The following KIFAP3 variants were observed in gnomAD, a reference collection of about 807,000 sequenced individuals.
The protein encoded by KIFAP3 is kinesin associated protein 3.
A neutral mutation model predicts 106.5 loss-of-function variants in KIFAP3; 68 were observed. The ratio of observed to expected loss-of-function variants is 0.64; its 90% CI spans 0.53 to 0.78. The LOEUF is 0.78. Ranked by LOEUF, KIFAP3 falls within the 30% of genes least tolerant of loss-of-function variation. The probability of loss-of-function intolerance (pLI) is 0.00; values close to 1 mark genes in which losing one functional copy is unlikely to be tolerated. For missense variants in KIFAP3, 780 were observed against 941.8 expected (o/e 0.83, Z 2.25); for synonymous variants, 320 against 311.5 (o/e 1.03, Z -0.29).
intron 19 of KIFAP3, among the ~76,000 whole-genome samples, chr1:169,948,275 G>A (rs994574038): frequency 3.3e-5 from 5 of 151,768 alleles, no homozygotes; most frequent in Admixed American, 2.6e-4. Context: ...CAATTGATAG[G>A]TGAAAATGTT....
At chr1:169,926,639 T>C (rs1663149727) in intron 19 of KIFAP3, among the ~76,000 whole-genome samples, 1 of 150,838 alleles carries the variant, frequency 6.6e-6, no homozygotes, top group Admixed American at 6.6e-5. Flanking sequence ...TATAGTTACA[T>C]GTAACATTAA....
chr1:169,954,317 C>G (rs1035752909), intron 18 of KIFAP3, among the ~76,000 whole-genome samples: 1 of 152,100 alleles, frequency 6.6e-6, no homozygotes, highest in Non-Finnish European at 1.5e-5. Context: ...ACTGAACATT[C>G]ATTGAGCATC....
At chr1:170,048,703 T>C (rs1571730508) in intron 2 of KIFAP3, among the ~76,000 whole-genome samples, 1 of 150,910 alleles carries the variant, frequency 6.6e-6, no homozygotes, top group Admixed American at 6.6e-5. Context: ...AGAAGCGGGG[T>C]GGCGGGGGCG....
At chr1:169,957,491 C>T (rs1032394662) in intron 18 of KIFAP3, among the ~76,000 whole-genome samples, 8 of 152,020 alleles carry the variant, frequency 5.3e-5, no homozygotes, top group African/African-American at 1.7e-4. Context: ...AATTTATCAA[C>T]CTTCTGATTT....
intron 2 of KIFAP3, among the ~76,000 whole-genome samples, chr1:170,052,166 C>T (rs1670610267): frequency 6.6e-6 from 1 of 152,036 alleles, no homozygotes; most frequent in African/African-American, 2.4e-5. Context: ...CACCACTGAT[C>T]CCACAGAAAT....
At chr1:170,021,512 T>A (rs541670270) in intron 9 of KIFAP3, among the ~76,000 whole-genome samples, 2 of 147,352 alleles carry the variant, frequency 1.4e-5, no homozygotes, top group African/African-American at 5.0e-5. Flanking sequence ...TGATCTCCGC[T>A]CAATGCAACC....
At chr1:169,926,891 T>C (rs1033847735) in intron 19 of KIFAP3, among the ~76,000 whole-genome samples, 1 of 152,176 alleles carries the variant, frequency 6.6e-6, no homozygotes, top group Non-Finnish European at 1.5e-5. Flanking sequence ...TGGAATTCTT[T>C]TGGAATTGTC....
At chr1:169,992,106 AATAT>A (rs1558226295) in intron 11 of KIFAP3, 45 bp downstream of exon 11, 1 of 890,782 alleles carries the variant, frequency 1.1e-6, no homozygotes. Context: ...AAGAGTAAAA[AATAT>A]ATATATTTGT....
intron 10 of KIFAP3, among the ~76,000 whole-genome samples, chr1:170,001,996 T>C (rs1162815267): frequency 9.9e-5 from 15 of 152,164 alleles, no homozygotes; most frequent in Non-Finnish European, 1.0e-4. Context: ...GTTCAGAAGT[T>C]AACTTTGTCA....
chr1:169,961,369 G>A (rs1665322642), intron 17 of KIFAP3, 134 bp from the exon 18 acceptor site: 1 of 595,702 alleles, frequency 1.7e-6, no homozygotes, highest in East Asian at 2.8e-5. Context: ...ACCTGTTCAG[G>A]ATTATTTTAT....
At chr1:170,063,403 C>A (rs964953511) in intron 1 of KIFAP3, among the ~76,000 whole-genome samples, 3 of 152,164 alleles carry the variant, frequency 2.0e-5, no homozygotes, top group African/African-American at 7.2e-5. Context: ...ACTGACTCAG[C>A]ACAAGAAGAT....
intron 5 of KIFAP3, among the ~76,000 whole-genome samples, chr1:170,036,943 C>T (rs960552016): frequency 2.0e-5 from 3 of 152,146 alleles, no homozygotes; most frequent in Non-Finnish European, 4.4e-5. Flanking sequence ...AATCCCATTA[C>T]GTCTTTTCAC....
intron 19 of KIFAP3, among the ~76,000 whole-genome samples, chr1:169,934,518 A>G (rs542016990): frequency 6.6e-6 from 1 of 152,260 alleles, no homozygotes; most frequent in East Asian, 1.9e-4. Flanking sequence ...CACTTCCCAC[A>G]TTGTACGCAT....
At chr1:169,928,263 C>A (rs567689659) in intron 19 of KIFAP3, among the ~76,000 whole-genome samples, 10 of 152,082 alleles carry the variant, frequency 6.6e-5, no homozygotes, top group Admixed American at 3.3e-4. Flanking sequence ...CCACACCCAG[C>A]TAATTTTTGT....
chr1:170,077,435 C>A (rs1401088905), upstream of KIFAP3, among the ~76,000 whole-genome samples: 6 of 152,106 alleles, frequency 3.9e-5, no homozygotes, highest in Admixed American at 6.5e-5. Context: ...AATATTCACA[C>A]AATACAATAA....
chr1:170,003,419 G>A (rs1048765234), intron 10 of KIFAP3, among the ~76,000 whole-genome samples: 3 of 152,176 alleles, frequency 2.0e-5, no homozygotes, highest in Admixed American at 6.6e-5. Flanking sequence ...CCTCCCGGCC[G>A]TGTGAGGTGT....
intron 5 of KIFAP3, among the ~76,000 whole-genome samples, chr1:170,037,968 T>C (rs1669773551): frequency 6.6e-6 from 1 of 152,138 alleles, no homozygotes; most frequent in Non-Finnish European, 1.5e-5. Flanking sequence ...AAAAAATGAA[T>C]ATTGGAACTT....
At chr1:169,994,490 C>T (rs1667276802) in intron 10 of KIFAP3, among the ~76,000 whole-genome samples, 1 of 152,096 alleles carries the variant, frequency 6.6e-6, no homozygotes, top group Admixed American at 6.6e-5. Flanking sequence ...GATTTTGCAT[C>T]TTGCAAAACT....
chr1:169,949,803 T>G (rs1161623760), intron 19 of KIFAP3, among the ~76,000 whole-genome samples: 1 of 152,072 alleles, frequency 6.6e-6, no homozygotes, highest in Non-Finnish European at 1.5e-5. Flanking sequence ...GCATTTTGCA[T>G]TAGCTCTAAA....
Sources: allele counts gnomAD v4.1 joint callset (sites outside exome capture counted in the v4.1 genomes callset), GRCh38; gene constraint gnomAD v4.1.1; transcripts MANE v1.5; gene names NCBI Gene and HGNC (gene_info 2026-07-23, HGNC 2026-07-21).